The following ENTREP2 variants were observed in gnomAD, a reference collection of about 807,000 sequenced individuals.
ENTREP2 encodes endosomal transmembrane epsin interactor 2.
At chr15:29,179,750 T>G in the ENTREP2 span, among the ~76,000 whole-genome samples, 1 of 151,368 alleles carries the variant, frequency 6.6e-6, no homozygotes, top group Non-Finnish European at 1.5e-5. Context: ...CCGGCTAATT[T>G]TTTTTTTTGT....
the ENTREP2 span, among the ~76,000 whole-genome samples, chr15:29,184,697 G>A: frequency 6.6e-6 from 1 of 152,146 alleles, no homozygotes; most frequent in Non-Finnish European, 1.5e-5. Context: ...TGCCTATGCA[G>A]CGAAACCAGC....
the ENTREP2 span, among the ~76,000 whole-genome samples, chr15:29,441,349 C>T: frequency 2.6e-5 from 4 of 152,236 alleles, no homozygotes; most frequent in South Asian, 6.2e-4. Flanking sequence ...TGACTGGATA[C>T]AGAGTTTCAG....
the ENTREP2 span, among the ~76,000 whole-genome samples, chr15:29,647,269 C>A: frequency 6.6e-6 from 1 of 152,312 alleles, no homozygotes; most frequent in African/African-American, 2.4e-5. Context: ...CTTGCCTAAG[C>A]CACTCTAATG....
the ENTREP2 span, among the ~76,000 whole-genome samples, chr15:29,666,731 G>C: frequency 1.3e-5 from 2 of 152,174 alleles, no homozygotes; most frequent in Admixed American, 1.3e-4. Flanking sequence ...TGAGTTATCA[G>C]TTCCTGGAGT....
the ENTREP2 span, among the ~76,000 whole-genome samples, chr15:29,589,914 G>C: frequency 6.6e-6 from 1 of 152,154 alleles, no homozygotes; most frequent in African/African-American, 2.4e-5. Flanking sequence ...GAGGTGATGC[G>C]TGAAAAAGCA....
the ENTREP2 span, among the ~76,000 whole-genome samples, chr15:29,657,482 G>GC: frequency 8.9e-6 from 1 of 112,262 alleles, no homozygotes; most frequent in Admixed American, 8.9e-5. Context: ...GGCTGGGGGG[G>GC]CGGGGGGGGG....
chr15:29,645,099 A>G, the ENTREP2 span, among the ~76,000 whole-genome samples: 1 of 152,190 alleles, frequency 6.6e-6, no homozygotes, highest in Admixed American at 6.5e-5. Flanking sequence ...CAAACTTAAG[A>G]GGAACACCAA....
At chr15:29,179,172 G>A in the ENTREP2 span, among the ~76,000 whole-genome samples, 1 of 152,224 alleles carries the variant, frequency 6.6e-6, no homozygotes, top group Non-Finnish European at 1.5e-5. Context: ...GGATGGTAAT[G>A]GCTTTACTTT....
chr15:29,569,233 G>A, the ENTREP2 span, among the ~76,000 whole-genome samples: 26 of 152,174 alleles, frequency 1.7e-4, 1 homozygote, highest in East Asian at 5.0e-3. Context: ...AGCTCTCCAA[G>A]GCTCACCCTT....
the ENTREP2 span, among the ~76,000 whole-genome samples, chr15:29,644,569 G>A: frequency 0.046 from 7,057 of 152,092 alleles, 186 homozygotes; most frequent in South Asian, 0.066. Flanking sequence ...TTGGGAGGCC[G>A]AGGCGGGTGG....
the ENTREP2 span, among the ~76,000 whole-genome samples, chr15:29,429,027 A>G: frequency 2.0e-4 from 31 of 152,336 alleles, no homozygotes; most frequent in South Asian, 3.3e-3. Context: ...TCAAAATGAT[A>G]GGTCTCCTGC....
chr15:29,569,640 A>G, the ENTREP2 span: 1 of 152,216 alleles, frequency 6.6e-6, no homozygotes, highest in African/African-American at 2.4e-5. Flanking sequence ...CATAACGTCC[A>G]TTCTTTGTTA....
At chr15:29,495,674 C>T in the ENTREP2 span, among the ~76,000 whole-genome samples, 1 of 152,092 alleles carries the variant, frequency 6.6e-6, no homozygotes, top group Non-Finnish European at 1.5e-5. Context: ...TGATCCTTTT[C>T]CCATTGTGTA....
At chr15:29,324,581 T>C in the ENTREP2 span, among the ~76,000 whole-genome samples, 2 of 152,206 alleles carry the variant, frequency 1.3e-5, no homozygotes, top group African/African-American at 2.4e-5. Flanking sequence ...TAGTGTGCTA[T>C]GCTAATCAAA....
chr15:29,612,529 C>T, the ENTREP2 span: 1 of 152,736 alleles, frequency 6.5e-6, no homozygotes, highest in South Asian at 2.1e-4. Flanking sequence ...TGTTCTTGCT[C>T]CATATATCCT....
the ENTREP2 span, among the ~76,000 whole-genome samples, chr15:29,300,900 A>T: frequency 2.2e-4 from 33 of 152,382 alleles, no homozygotes; most frequent in Non-Finnish European, 5.9e-5. Flanking sequence ...CCCGAACAGA[A>T]CATAGTCTTA....
chr15:29,303,403 C>T, the ENTREP2 span, among the ~76,000 whole-genome samples: 2 of 152,166 alleles, frequency 1.3e-5, no homozygotes, highest in Admixed American at 6.5e-5. Flanking sequence ...TGATTTCAGA[C>T]AGATAGCCCA....
the ENTREP2 span, among the ~76,000 whole-genome samples, chr15:29,356,049 T>C: frequency 6.6e-6 from 1 of 151,972 alleles, no homozygotes; most frequent in Non-Finnish European, 1.5e-5. Flanking sequence ...TCTGTTCCAA[T>C]AGCGATGGTG....
chr15:29,127,344 G>A, the ENTREP2 span, among the ~76,000 whole-genome samples: 1 of 152,186 alleles, frequency 6.6e-6, no homozygotes, highest in Admixed American at 6.5e-5. Context: ...GGAGTTGCCT[G>A]CATGGGGGAC....
Sources: gnomAD v4.1 joint callset for allele counts (sites outside exome capture counted in the v4.1 genomes callset) on GRCh38, gnomAD v4.1.1 for gene constraint, MANE v1.5 for transcripts, NCBI Gene and HGNC (gene_info 2026-07-23, HGNC 2026-07-21) for gene names.